Variants in MINPP1 observed in about 807,000 individuals in gnomAD.
MINPP1 encodes multiple inositol polyphosphate phosphatase 1.
A neutral mutation model predicts 46.1 loss-of-function variants in MINPP1; 28 were observed. The observed-to-expected ratio is 0.61, with a 90% CI of 0.45 to 0.83. The LOEUF is 0.83. MINPP1 is among the 40% of genes least tolerant of loss of function. MINPP1 has a pLI of 0.00. For missense variants in MINPP1, 603 were observed against 610.0 expected (o/e 0.99, Z 0.12); for synonymous variants, 268 against 249.1 (o/e 1.08, Z -0.72).
intron 2 of MINPP1, among the ~76,000 whole-genome samples, chr10:87,512,361 A>T (rs190450390): frequency 6.6e-6 from 1 of 152,088 alleles, no homozygotes; most frequent in Non-Finnish European, 1.5e-5. Flanking sequence ...TGGTACCAAC[A>T]TTTCTCTCTT....
At chr10:87,514,749 T>G (rs1027621172) in intron 3 of MINPP1, among the ~76,000 whole-genome samples, 1 of 152,170 alleles carries the variant, frequency 6.6e-6, no homozygotes, top group South Asian at 2.1e-4. Flanking sequence ...AGTGTCTCTC[T>G]CTGTTGCCCA....
At chr10:87,542,669 C>T (rs1851832786) in intron 4 of MINPP1, among the ~76,000 whole-genome samples, 1 of 152,210 alleles carries the variant, frequency 6.6e-6, no homozygotes, top group East Asian at 1.9e-4. Flanking sequence ...CCCTTGCCTT[C>T]CGTCATGATT....
chr10:87,547,613 G>A (rs1851906374), intron 4 of MINPP1, among the ~76,000 whole-genome samples: 1 of 152,082 alleles, frequency 6.6e-6, no homozygotes, highest in African/African-American at 2.4e-5. Flanking sequence ...AGCACTTTTG[G>A]ATATCTGATG....
chr10:87,531,179 G>A (rs952665024), intron 4 of MINPP1, among the ~76,000 whole-genome samples: 6 of 152,180 alleles, frequency 3.9e-5, no homozygotes, highest in Admixed American at 1.3e-4. Context: ...GTCCTGCTTT[G>A]TCTCATGCTC....
intron 4 of MINPP1, among the ~76,000 whole-genome samples, chr10:87,549,284 C>A (rs979027026): frequency 6.6e-6 from 1 of 152,204 alleles, no homozygotes; most frequent in Non-Finnish European, 1.5e-5. Context: ...ACTTTGAACT[C>A]ATAATTTGTG....
chr10:87,521,126 G>T lies in MINPP1; in HGVS notation c.1024G>T (p.Asp342Tyr), dbSNP rs554560596. Residue 342 changes from aspartate (D) to tyrosine (Y), a missense_variant, in exon 4 of 5, where the codon GAT becomes TAT. This residue lies in a region of MINPP1 where 344 missense variants were observed against 381.1 expected (regional missense o/e 0.90). Transcript: ENST00000371996. The stretch of plus-strand genomic sequence containing the variant: ...TCGATCCAGCTGCACCTTGTTTCAG[G>T]ATATCTTTCAGCACTTGGACAAAGC... ...NSRSSCTLFQ[D>Y]IFQHLDKAVE... 1 of 1,610,836 alleles carries T rather than the reference G, an allele frequency of 6.2e-7. No homozygotes were observed. The highest frequency in any genetic ancestry group is 1.1e-5 in the South Asian group (1 of 90,718).
chr10:87,543,890 T>C (rs971882604), intron 4 of MINPP1, among the ~76,000 whole-genome samples: 3 of 152,152 alleles, frequency 2.0e-5, no homozygotes, highest in East Asian at 1.9e-4. Flanking sequence ...GCCTTCAACA[T>C]TGGGGATCAC....
In MINPP1 at chr10:87,505,531, T is replaced by G; in HGVS notation, c.616T>G (p.Leu206Val). ...GCTGTGGCAGCACTACCACCCTGGC[T>G]TGCCGCCGCCGGACGTCGCAGGTGA... ...QGLWQHYHPG[L>V]PPPDVADMEF... Residue 206 changes from leucine (L) to valine (V), a missense_variant, in exon 1 of 5, where the codon TTG becomes GTG. By Grantham distance (32) the Leu-to-Val change is conservative. This residue lies in a region of MINPP1 where 344 missense variants were observed against 381.1 expected (regional missense o/e 0.90). Coordinates refer to ENST00000371996, the MANE Select transcript of MINPP1 (RefSeq NM_004897.5). The surrounding 1 kb of genome is among the most constrained non-coding windows in gnomAD (Gnocchi z 4.4). The G allele has an allele frequency of 6.2e-7, 1 of 1,609,368 alleles. No individual in the cohort carries two copies. The highest frequency in any genetic ancestry group is 8.5e-7 in the Non-Finnish European group (1 of 1,179,410).
intron 4 of MINPP1, among the ~76,000 whole-genome samples, chr10:87,543,273 A>C (rs1851841755): frequency 6.6e-6 from 1 of 152,180 alleles, no homozygotes; most frequent in South Asian, 2.1e-4. Context: ...AAGTTTGGAA[A>C]ATTTTCAGTC....
At chr10:87,546,166 C>T (rs780791150) in intron 4 of MINPP1, among the ~76,000 whole-genome samples, 9 of 152,194 alleles carry the variant, frequency 5.9e-5, no homozygotes, top group South Asian at 2.1e-4. Flanking sequence ...ATAAATTAAT[C>T]GTATGCTAAA....
At chr10:87,529,305 G>A (rs188973716) in intron 4 of MINPP1, among the ~76,000 whole-genome samples, 10 of 152,258 alleles carry the variant, frequency 6.6e-5, no homozygotes, top group South Asian at 2.1e-4. Context: ...TCCTAGCCTC[G>A]ATGGTCTTTA....
At chr10:87,541,610 G>C (rs1276971722) in intron 4 of MINPP1, among the ~76,000 whole-genome samples, 1 of 152,170 alleles carries the variant, frequency 6.6e-6, no homozygotes, top group Non-Finnish European at 1.5e-5. Context: ...CCTGAGGCTG[G>C]GGAAGAGACA....
At chr10:87,508,216 T>G in intron 1 of MINPP1, 120 bp from the exon 2 acceptor site, 2 of 1,551,324 alleles carry the variant, frequency 1.3e-6, no homozygotes, top group Non-Finnish European at 1.7e-6. Flanking sequence ...TGTGCTTATT[T>G]CAGCTGTGCG....
intron 4 of MINPP1, among the ~76,000 whole-genome samples, chr10:87,523,221 A>G (rs1356445454): frequency 1.3e-5 from 2 of 152,170 alleles, no homozygotes; most frequent in East Asian, 3.8e-4. Context: ...TGGCATCTAG[A>G]GTGGTGAAAC....
At chr10:87,546,006 C>T (rs1005803211) in intron 4 of MINPP1, among the ~76,000 whole-genome samples, 22 of 152,112 alleles carry the variant, frequency 1.4e-4, no homozygotes, top group Middle Eastern at 3.4e-3. Flanking sequence ...CTTGGCTTCA[C>T]GGAGGCAAGA....
intron 4 of MINPP1, among the ~76,000 whole-genome samples, chr10:87,535,572 T>TTAGA (rs149482406): frequency 0.028 from 4,257 of 152,142 alleles, 193 homozygotes; most frequent in African/African-American, 0.092. Context: ...AAATAAGCTG[T>TTAGA]TAGGGTGTTA....
Position 87,521,188 on chromosome 10 carries a change from A to C in MINPP1, c.1067+19A>C. On this transcript the variant is annotated intron_variant, in intron 4 of 4. Transcript: ENST00000371996. Reference sequence around the variant, plus strand: ...AACAAAGGTAAGAACTTTCTAAAAAATGTGAAGTACATTTTGAGTTACTAC... The same window carrying C: ...AACAAAGGTAAGAACTTTCTAAAAACTGTGAAGTACATTTTGAGTTACTAC... 2.5e-6 allele frequency: 4 copies of C among 1,604,116 alleles called. No individual in the cohort carries two copies. Among genetic ancestry groups the C allele is most frequent in the Non-Finnish European group, 3.4e-6 (4 of 1,172,920 alleles).
At chr10:87,524,076 A>G (rs143995860) in intron 4 of MINPP1, among the ~76,000 whole-genome samples, 341 of 152,320 alleles carry the variant, frequency 2.2e-3, no homozygotes, top group African/African-American at 7.9e-3. Context: ...GAGTCATCCT[A>G]TCCTTTGAAG....
chr10:87,514,141 A>G (rs1851376569), intron 3 of MINPP1, among the ~76,000 whole-genome samples: 1 of 152,166 alleles, frequency 6.6e-6, no homozygotes, highest in Non-Finnish European at 1.5e-5. Context: ...AGGTAAGGTA[A>G]CATATTCATA....
Sources: gnomAD v4.1 joint callset for allele counts (sites outside exome capture counted in the v4.1 genomes callset) on GRCh38, gnomAD v4.1.1 for gene constraint, gnomAD v4.1.1 regional missense constraint, Gnocchi (gnomAD v3.1) non-coding constraint, MANE v1.5 for transcripts, NCBI Gene and HGNC (gene_info 2026-07-23, HGNC 2026-07-21) for gene names.